Variants in INPP5D observed in about 807,000 individuals in gnomAD.
The protein encoded by INPP5D is phosphatidylinositol 3,4,5-trisphosphate 5-phosphatase 1.
In INPP5D, 33 loss-of-function variants were observed where a neutral mutation model predicts 122.9. That is an observed-to-expected ratio of 0.27 (90% CI 0.20 to 0.36). The LOEUF (loss-of-function observed/expected upper bound fraction) is 0.36, where lower values mean the gene tolerates loss of function less well. Among genes scored for constraint, INPP5D ranks in the 10% least tolerant of loss-of-function variants. The pLI, the probability that INPP5D is intolerant of heterozygous loss-of-function variation, is 1.00. For synonymous variants in INPP5D, 584 were observed against 576.2 expected, an observed-to-expected ratio of 1.01 and a Z score of -0.19; for missense variants, 1,053 against 1,412.7, an observed-to-expected ratio of 0.75 and a Z score of 4.08.
At chr2:233,070,872 T>G (rs1369786771) in intron 1 of INPP5D, among the ~76,000 whole-genome samples, 1 of 152,254 alleles carries the variant, frequency 6.6e-6, no homozygotes, top group Non-Finnish European at 1.5e-5. Flanking sequence ...AGCACAGTAC[T>G]TGGTAAAAAC....
intron 13 of INPP5D, among the ~76,000 whole-genome samples, chr2:233,165,847 TG>T: frequency 1.0e-5 from 1 of 95,376 alleles, no homozygotes; most frequent in Admixed American, 9.2e-5. Flanking sequence ...CCTCTCTGTG[TG>T]TTTGTGTGTG....
chr2:233,100,391 C>A lies in INPP5D; in HGVS notation c.198+20993C>A, dbSNP rs1281299006. On this transcript the variant is annotated intron_variant, in intron 2 of 26. Transcript: ENST00000445964. The surrounding 1 kb of genome is among the most constrained non-coding windows in gnomAD (Gnocchi z 5.3). ...CTCCTGCTGGTTCCCAGGCCCAGCA[C>A]CTGCTTTGCCTCTCCTCACAGATCA... Among the ~76,000 whole-genome samples, 2 of 152,206 alleles carry A rather than the reference C, an allele frequency of 1.3e-5. No homozygotes were observed. The highest frequency in any genetic ancestry group is 2.9e-5 in the Non-Finnish European group (2 of 68,040).
chr2:233,079,677 GA>G (rs1691618646), intron 2 of INPP5D, among the ~76,000 whole-genome samples: 1 of 152,182 alleles, frequency 6.6e-6, no homozygotes, highest in Admixed American at 6.5e-5. Flanking sequence ...GTCCAGAGAT[GA>G]AGGGAAAGGA....
At position 233,078,380 on chromosome 2, in the gene INPP5D, A is replaced by G. The variant is rs1691581779; in HGVS notation, c.135-955A>G. 2.0e-5 allele frequency among the ~76,000 whole-genome samples: 3 copies of G among 152,252 alleles called. No homozygotes were observed. The South Asian group carries it at 6.2e-4, about 31-fold the overall frequency. On this transcript the variant is annotated intron_variant, in intron 1 of 26. Coordinates refer to ENST00000445964, the MANE Select transcript of INPP5D (RefSeq NM_001017915.3). The surrounding 1 kb of genome is among the most constrained non-coding windows in gnomAD (Gnocchi z 4.6). The stretch of plus-strand genomic sequence containing the variant: ...AAAGAGAAGAGAATCTGGGATTCCT[A>G]GGACCTTCTTGTTAGAAACAACCCC...
At chr2:233,146,936 G>A (rs564984336) in intron 8 of INPP5D, among the ~76,000 whole-genome samples, 2 of 152,180 alleles carry the variant, frequency 1.3e-5, no homozygotes, top group South Asian at 2.1e-4. Context: ...TGTGAGACCC[G>A]CACCCCCTCC....
chr2:233,157,500 T>A (rs36172148), intron 9 of INPP5D, among the ~76,000 whole-genome samples: 25,431 of 151,980 alleles, frequency 0.17, 3,829 homozygotes, highest in African/African-American at 0.4. Flanking sequence ...AAGAGAAACA[T>A]TCAGGGCTGG....
intron 2 of INPP5D, among the ~76,000 whole-genome samples, chr2:233,085,522 G>A (rs1369980006): frequency 1.3e-5 from 2 of 152,064 alleles, no homozygotes; most frequent in African/African-American, 2.4e-5. Context: ...TTCTTTTCCA[G>A]TGTTGTCATT....
intron 24 of INPP5D, 57 bp downstream of exon 24, chr2:233,195,552 A>G (rs1695161346): frequency 6.2e-7 from 1 of 1,609,982 alleles, no homozygotes. Context: ...CTCATGACAA[A>G]TTAGCATGGT....
intron 18 of INPP5D, among the ~76,000 whole-genome samples, chr2:233,182,044 C>T (rs966625575): frequency 3.9e-5 from 6 of 152,056 alleles, no homozygotes; most frequent in Admixed American, 2.0e-4. Flanking sequence ...TGCAGTGAGC[C>T]GAGATCGCGC....
At chr2:233,063,051 C>A (rs964276505) in intron 1 of INPP5D, among the ~76,000 whole-genome samples, 6 of 152,070 alleles carry the variant, frequency 3.9e-5, no homozygotes, top group African/African-American at 1.4e-4. Flanking sequence ...ACCCTACCAC[C>A]CTTAGTTTTC....
At position 233,157,709 on chromosome 2, in the gene INPP5D, C is replaced by A. The variant is rs186723336; in HGVS notation, c.1031-604C>A. ...GTGGACAGTCAAAAATGTAATAGGA[C>A]ATAATGAAAACTGAAACATCGGAAA... On this transcript the variant is annotated intron_variant, in intron 9 of 26. Coordinates refer to ENST00000445964, the MANE Select transcript of INPP5D (RefSeq NM_001017915.3). Among the ~76,000 whole-genome samples, 249 of 151,578 alleles carry A rather than the reference C, an allele frequency of 1.6e-3. 3 individuals carry two copies. The highest frequency in any genetic ancestry group is 5.9e-3 in the African/African-American group (243 of 41,292).
At chr2:233,088,029 G>T (rs1430991358) in intron 2 of INPP5D, among the ~76,000 whole-genome samples, 1 of 152,018 alleles carries the variant, frequency 6.6e-6, no homozygotes, top group Non-Finnish European at 1.5e-5. Context: ...ATGCTGGAGT[G>T]CAATGGCAAG....
intron 2 of INPP5D, among the ~76,000 whole-genome samples, chr2:233,106,091 A>G (rs113383003): frequency 2.6e-5 from 4 of 152,232 alleles, no homozygotes; most frequent in African/African-American, 9.7e-5. Context: ...TGAAGTTTCA[A>G]TAAGAGGAAG....
chr2:233,168,703 A>G (rs1694409966), intron 13 of INPP5D: 2 of 152,242 alleles, frequency 1.3e-5, no homozygotes, highest in Admixed American at 6.5e-5. Flanking sequence ...GCAGTGAGCC[A>G]GCATTTGCCC....
chr2:233,204,003 T>A (rs7609436), intron 25 of INPP5D, 123 bp from the exon 26 acceptor site: 4 of 1,373,060 alleles, frequency 2.9e-6, no homozygotes, highest in Non-Finnish European at 3.8e-6. Context: ...CAATGTTACA[T>A]GTCTCTATCT....
chr2:233,181,100 C>T (rs1430299453), intron 18 of INPP5D, among the ~76,000 whole-genome samples: 3 of 152,148 alleles, frequency 2.0e-5, no homozygotes, highest in Non-Finnish European at 4.4e-5. Flanking sequence ...ATTCCTTCTC[C>T]ACTACCAACC....
At chr2:233,075,072 A>AGC (rs1320990251) in intron 1 of INPP5D, among the ~76,000 whole-genome samples, 1 of 152,212 alleles carries the variant, frequency 6.6e-6, no homozygotes, top group Admixed American at 6.5e-5. Flanking sequence ...TCTACTGAGA[A>AGC]GCACCTTCCT....
chr2:233,154,100 G>A (rs1693988419), intron 9 of INPP5D, among the ~76,000 whole-genome samples: 1 of 152,206 alleles, frequency 6.6e-6, no homozygotes, highest in Admixed American at 6.5e-5. Context: ...GAGGGAAGCT[G>A]GGGACAGGAA....
chr2:233,107,003 TC>T (rs1692484072), intron 2 of INPP5D, among the ~76,000 whole-genome samples: 1 of 152,188 alleles, frequency 6.6e-6, no homozygotes, highest in African/African-American at 2.4e-5. Context: ...GCTTGAATCT[TC>T]AAGGAAAGCA....
Sources: gnomAD v4.1 joint callset for allele counts (sites outside exome capture counted in the v4.1 genomes callset) on GRCh38, gnomAD v4.1.1 for gene constraint, Gnocchi (gnomAD v3.1) non-coding constraint, MANE v1.5 for transcripts, NCBI Gene and HGNC (gene_info 2026-07-23, HGNC 2026-07-21) for gene names.